Variants in WDR83 observed in about 807,000 individuals in gnomAD.
The protein encoded by WDR83 is WD repeat domain-containing protein 83.
Under a neutral mutation model 37.7 loss-of-function variants are expected in WDR83, and 37 were observed. The ratio of observed to expected loss-of-function variants is 0.98; its 90% CI spans 0.76 to 1.29. The LOEUF is 1.29. Ranked by LOEUF, WDR83 falls within the 50% of genes most tolerant of loss-of-function variation. The probability of loss-of-function intolerance (pLI) is 0.00; values close to 1 mark genes in which losing one functional copy is unlikely to be tolerated. For synonymous variants in WDR83, 174 were observed against 181.1 expected, an observed-to-expected ratio of 0.96 and a Z score of 0.31; for missense variants, 445 against 414.4, an observed-to-expected ratio of 1.07 and a Z score of -0.64.
chr19:12,672,002 A>T (rs2145317390), intron 7 of WDR83, among the ~76,000 whole-genome samples: 1 of 152,272 alleles, frequency 6.6e-6, no homozygotes, highest in South Asian at 2.1e-4. Flanking sequence ...GGTGGAAAAA[A>T]TATATTTTCT....
intron 2 of WDR83, chr19:12,669,001 C>T (rs1225711356): frequency 9.5e-6 from 9 of 948,750 alleles, no homozygotes; most frequent in Non-Finnish European, 1.3e-5. Context: ...GTCATCGCAG[C>T]CCCACTCCCG....
intron 7 of WDR83, chr19:12,671,502 A>G (rs948847046): frequency 6.6e-6 from 1 of 151,874 alleles, no homozygotes; most frequent in Non-Finnish European, 1.5e-5. Context: ...AATACAAAAA[A>G]TTAGCCGGGC....
At chr19:12,668,724 G>T in intron 2 of WDR83, 97 bp downstream of exon 2, 1 of 954,414 alleles carries the variant, frequency 1.0e-6, no homozygotes, top group Non-Finnish European at 1.6e-6. Flanking sequence ...ATCTGATGCA[G>T]CTGGGACCTT....
chr19:12,668,667 G>A, intron 2 of WDR83, 40 bp downstream of exon 2: 1 of 1,500,090 alleles, frequency 6.7e-7, no homozygotes, highest in Non-Finnish European at 9.2e-7. Flanking sequence ...ACAACAATGA[G>A]TCCCCGAAGC....
intron 2 of WDR83, 106 bp from the exon 3 acceptor site, chr19:12,669,649 G>C (rs1019508643): frequency 2.0e-6 from 2 of 1,021,602 alleles, no homozygotes; most frequent in Admixed American, 2.8e-5. Flanking sequence ...TCACCGAAAT[G>C]CCAAAATGAT....
rs746461141 is a variant in WDR83 at position 12,670,780 on chromosome 19, C to T, written c.465C>T (p.Gly155=). ...AGACGCTGGATGAGGCCAGAGATGG[C>T]GTGTCCAGTGTGAAGGTGTCAGACC... The part of the protein sequence containing the change: ...PVQTLDEARD[G]VSSVKVSDHE... The change falls in exon 7 of 11, where the codon GGC becomes GGT. Residue 155 remains glycine, a synonymous_variant. Transcript: ENST00000418543. The T allele has an allele frequency of 6.2e-6, 10 of 1,614,092 alleles. No individual in the cohort carries two copies. Among genetic ancestry groups the T allele is most frequent in the Non-Finnish European group, 8.5e-6 (10 of 1,179,998 alleles).
chr19:12,673,000 C>T lies in WDR83; in HGVS notation c.575-8C>T. On this transcript the variant is annotated splice_polypyrimidine_tract_variant and splice_region_variant and intron_variant, in intron 8 of 10. Coordinates refer to ENST00000418543, the MANE Select transcript of WDR83 (RefSeq NM_001099737.3). The stretch of plus-strand genomic sequence containing the variant: ...CACCCTCACTCACCTACCCACCCTT[C>T]CCCCAAGGCCCCATCACCTGCACCT... The T allele has an allele frequency of 6.2e-7, 1 of 1,606,224 alleles. No homozygotes were observed. The highest frequency in any genetic ancestry group is 8.5e-7 in the Non-Finnish European group (1 of 1,175,000).
At chr19:12,668,731 C>A in intron 2 of WDR83, 104 bp downstream of exon 2, 1 of 868,312 alleles carries the variant, frequency 1.2e-6, no homozygotes. Flanking sequence ...GCAGCTGGGA[C>A]CTTGCCCCAC....
Position 12,670,704 on chromosome 19 carries a change from A to T in WDR83, c.389A>T (p.Asp130Val), listed in dbSNP as rs1428368272. Residue 130 changes from aspartate (D) to valine (V), a missense_variant, in exon 7 of 11, where the codon GAT becomes GTT. Transcript: ENST00000418543. ...EATVILSGSI[D>V]SSIRCWDCRS... ...CATGCTGGCCTCACAGGCTCTATTG[A>T]TTCCAGTATCCGCTGTTGGGATTGC... 6.2e-7 allele frequency: 1 copy of T among 1,614,026 alleles called. No individual in the cohort carries two copies. The highest frequency in any genetic ancestry group is 2.2e-5 in the East Asian group (1 of 44,886).
Position 12,666,913 on chromosome 19 carries a change from T to C in WDR83, c.-236T>C. On this transcript the variant is annotated 5_prime_UTR_variant, in exon 1 of 11. Coordinates refer to ENST00000418543, the MANE Select transcript of WDR83 (RefSeq NM_001099737.3). ...CTCAGGGCACTGGTTGGGCTAAAGG[T>C]GACACTGGCGTCTCACGGGCTATGA... 1.7e-6 allele frequency: 1 copy of C among 580,686 alleles called. No homozygotes were observed. Among genetic ancestry groups the C allele is most frequent in the South Asian group, 2.1e-5 (1 of 46,696 alleles). 36.0% of individuals were successfully genotyped at this position (580,686 alleles called of 1,614,324 possible).
At chr19:12,667,483 C>T (rs1457585864) in intron 1 of WDR83, among the ~76,000 whole-genome samples, 2 of 152,060 alleles carry the variant, frequency 1.3e-5, no homozygotes, top group South Asian at 2.1e-4. Flanking sequence ...TAATTTTACA[C>T]AAAATGTAAA....
At position 12,670,783 on chromosome 19, in the gene WDR83, G is replaced by A. The variant is rs772302163; in HGVS notation, c.468G>A (p.Val156=). 18 of 1,614,106 alleles carry A rather than the reference G, an allele frequency of 1.1e-5. No individual in the cohort carries two copies. In the South Asian group the frequency reaches 1.4e-4, roughly 13 times the overall value. The change falls in exon 7 of 11, where the codon GTG becomes GTA. Residue 156 remains valine, a synonymous_variant. Coordinates refer to ENST00000418543, the MANE Select transcript of WDR83 (RefSeq NM_001099737.3). The stretch of plus-strand genomic sequence containing the variant: ...CGCTGGATGAGGCCAGAGATGGCGT[G>A]TCCAGTGTGAAGGTGTCAGACCACG... The part of the protein sequence containing the change: ...VQTLDEARDG[V]SSVKVSDHEI...
intron 2 of WDR83, 129 bp downstream of exon 2, chr19:12,668,756 T>C: frequency 1.4e-6 from 1 of 713,838 alleles, no homozygotes. Flanking sequence ...AATTCCTCAG[T>C]CCCACCTGCT....
In WDR83 at chr19:12,675,630, C is replaced by G; in HGVS notation, c.906C>G (p.Cys302Trp). The change falls in exon 11 of 11, where the codon TGC becomes TGG. Residue 302 changes from cysteine to tryptophan, a missense_variant. Coordinates refer to ENST00000418543, the MANE Select transcript of WDR83 (RefSeq NM_001099737.3). ...LLTAMGGSVQ[C>W]WREEAYEAED... ...CCGCCATGGGAGGCAGCGTCCAGTG[C>G]TGGCGAGAGGAGGCCTATGAGGCAG... is the stretch of plus-strand genomic sequence containing the variant. 1 of 1,602,718 alleles carries G rather than the reference C, an allele frequency of 6.2e-7. No homozygotes were observed. Among genetic ancestry groups the G allele is most frequent in the African/African-American group, 1.3e-5 (1 of 75,006 alleles).
At position 12,675,543 on chromosome 19, in the gene WDR83, G is replaced by A; in HGVS notation, c.819G>A (p.Leu273=). The A allele has an allele frequency of 6.2e-7, 1 of 1,605,822 alleles. No individual in the cohort carries two copies. Among genetic ancestry groups the A allele is most frequent in the East Asian group, 2.2e-5 (1 of 44,868 alleles). The part of the protein sequence containing the change: ...DLVEGALALA[L]PVGSGVVQSL... ...CACAGGGTGCGCTGGCTCTGGCCCT[G>A]CCTGTGGGTTCCGGTGTGGTGCAGT... The change falls in exon 11 of 11, where the codon CTG becomes CTA. Residue 273 remains leucine, a synonymous_variant. Transcript: ENST00000418543.
At chr19:12,669,459 G>A (rs549133539) in intron 2 of WDR83, 2 of 1,556,030 alleles carry the variant, frequency 1.3e-6, no homozygotes, top group Non-Finnish European at 1.7e-6. Context: ...AGCTTCCGGC[G>A]TGCAAGCTGA....
chr19:12,669,869 G>C lies in WDR83; in HGVS notation c.79G>C (p.Ala27Pro). The change falls in exon 3 of 11, where the codon GCA (alanine) becomes CCA (proline). Residue 27 changes from alanine to proline, a missense_variant. Transcript: ENST00000418543. ...GAAGACGCTGGACTGCGGGCAGGGG[G>C]CAGTGCGAGCCGTACGATTTAATGG... ...RLKTLDCGQG[A>P]VRAVRFNVDG... 6.2e-7 allele frequency: 1 copy of C among 1,611,506 alleles called. No homozygotes were observed. The highest frequency in any genetic ancestry group is 1.1e-5 in the South Asian group (1 of 90,834).
intron 10 of WDR83, 37 bp downstream of exon 10, chr19:12,673,353 C>G: frequency 2.0e-6 from 3 of 1,533,492 alleles, no homozygotes; most frequent in Non-Finnish European, 2.7e-6. Context: ...ACCTAGATGC[C>G]TGCCCCATCT....
At chr19:12,668,876 CA>C (rs1474460776) in intron 2 of WDR83, among the ~76,000 whole-genome samples, 1 of 152,172 alleles carries the variant, frequency 6.6e-6, no homozygotes, top group East Asian at 1.9e-4. Context: ...CCTTTTTCCA[CA>C]ACTCCTCTCC....
Sources: gnomAD v4.1 joint callset for allele counts (sites outside exome capture counted in the v4.1 genomes callset) on GRCh38, gnomAD v4.1.1 for gene constraint, MANE v1.5 for transcripts, NCBI Gene and HGNC (gene_info 2026-07-23, HGNC 2026-07-21) for gene names.